Variants in PPP1R21 observed in about 807,000 individuals in gnomAD.
PPP1R21 encodes protein phosphatase 1 regulatory subunit 21, also known as KLRAQ motif containing 1.
PPP1R21 carries 85 observed loss-of-function variants against 112.8 expected under a neutral mutation model. The ratio of observed to expected loss-of-function variants is 0.75; its 90% confidence interval spans 0.63 to 0.90. The LOEUF is 0.90. PPP1R21 is among the 40% of genes least tolerant of loss of function. The probability of loss-of-function intolerance (pLI) is 0.00; values close to 1 mark genes in which losing one functional copy is unlikely to be tolerated. For missense variants in PPP1R21, 1,199 were observed against 901.5 expected, an observed-to-expected ratio of 1.33 and a Z score of -4.23; for synonymous variants, 381 against 322.3, an observed-to-expected ratio of 1.18 and a Z score of -1.95.
At chr2:48,495,609 G>A in intron 15 of PPP1R21, 70 bp from the exon 16 acceptor site, 1 of 807,946 alleles carries the variant, frequency 1.2e-6, no homozygotes, top group Admixed American at 1.9e-5. Context: ...AGCATTCTTT[G>A]TGTATGTTGG....
chr2:48,496,893 G>T (rs62135167), intron 16 of PPP1R21, among the ~76,000 whole-genome samples: 1 of 152,020 alleles, frequency 6.6e-6, no homozygotes, highest in Non-Finnish European at 1.5e-5. Context: ...ACACATAGAG[G>T]CTCTTGGAGG....
chr2:48,450,273 TTA>T (rs1157763853), intron 1 of PPP1R21, among the ~76,000 whole-genome samples: 3 of 152,210 alleles, frequency 2.0e-5, no homozygotes, highest in Non-Finnish European at 4.4e-5. Flanking sequence ...GCATTGCTAC[TTA>T]ACTTCTCTGT....
At chr2:48,470,690 C>G (rs1388214848) in intron 9 of PPP1R21, among the ~76,000 whole-genome samples, 1 of 151,964 alleles carries the variant, frequency 6.6e-6, no homozygotes, top group East Asian at 1.9e-4. Context: ...ATTTTCAAAT[C>G]TTTTTTGTTT....
At chr2:48,479,822 A>T (rs146803105) in intron 12 of PPP1R21, 102 bp from the exon 13 acceptor site, 1 of 784,094 alleles carries the variant, frequency 1.3e-6, no homozygotes. Context: ...TTTCTAGCAC[A>T]TTACAACCAA....
At chr2:48,499,304 A>G (rs1273001730) in intron 17 of PPP1R21, among the ~76,000 whole-genome samples, 1 of 152,242 alleles carries the variant, frequency 6.6e-6, no homozygotes, top group Admixed American at 6.5e-5. Flanking sequence ...CATGGTGAGG[A>G]CTATGTTCCT....
intron 12 of PPP1R21, among the ~76,000 whole-genome samples, chr2:48,476,942 T>G (rs1668784117): frequency 6.6e-6 from 1 of 152,030 alleles, no homozygotes; most frequent in Non-Finnish European, 1.5e-5. Context: ...AATGTTCAAT[T>G]TTGATGAAGT....
chr2:48,505,927 A>T (rs1284882427), intron 18 of PPP1R21, among the ~76,000 whole-genome samples: 7 of 152,138 alleles, frequency 4.6e-5, no homozygotes, highest in Admixed American at 4.6e-4. Flanking sequence ...TAGTCCTCGC[A>T]GTGGGCAGCC....
At chr2:48,456,111 C>G (rs773911194) in intron 3 of PPP1R21, among the ~76,000 whole-genome samples, 2 of 151,054 alleles carry the variant, frequency 1.3e-5, no homozygotes, top group Non-Finnish European at 2.9e-5. Context: ...TTTATTCTTA[C>G]GAGGCCAGTT....
At chr2:48,507,641 A>AG (rs1377865847) in intron 19 of PPP1R21, among the ~76,000 whole-genome samples, 3 of 151,254 alleles carry the variant, frequency 2.0e-5, no homozygotes, top group Non-Finnish European at 4.4e-5. Flanking sequence ...TGCTGGGATT[A>AG]CAGGTGTGAG....
intron 16 of PPP1R21, among the ~76,000 whole-genome samples, chr2:48,497,255 G>A (rs1173443579): frequency 6.6e-6 from 1 of 152,182 alleles, no homozygotes; most frequent in Non-Finnish European, 1.5e-5. Context: ...CTTGTTTGTT[G>A]ATGGGGAAAT....
chr2:48,486,066 T>C (rs1669280721), intron 13 of PPP1R21, among the ~76,000 whole-genome samples: 1 of 151,344 alleles, frequency 6.6e-6, no homozygotes, highest in African/African-American at 2.4e-5. Context: ...CAGGCCTTTA[T>C]TGTACTATTC....
At chr2:48,514,073 C>CTTTTTTT (rs1225415838) in intron 21 of PPP1R21, among the ~76,000 whole-genome samples, 12 of 89,880 alleles carry the variant, frequency 1.3e-4, no homozygotes, top group African/African-American at 2.6e-4. Flanking sequence ...GAGACATGTT[C>CTTTTTTT]TTTTTTTTTT....
chr2:48,455,061 C>T (rs1667659431), intron 3 of PPP1R21, among the ~76,000 whole-genome samples: 1 of 151,944 alleles, frequency 6.6e-6, no homozygotes, highest in Non-Finnish European at 1.5e-5. Context: ...TGGCCTTGAA[C>T]TCCTGGACTC....
At chr2:48,481,689 C>T (rs1308492218) in intron 13 of PPP1R21, among the ~76,000 whole-genome samples, 1 of 151,806 alleles carries the variant, frequency 6.6e-6, no homozygotes, top group Non-Finnish European at 1.5e-5. Flanking sequence ...CTAGCCTGGG[C>T]AACATAGGGA....
At position 48,507,330 on chromosome 2, in the gene PPP1R21, A is replaced by C; in HGVS notation, c.2030A>C (p.Glu677Ala). The C allele has an allele frequency of 1.3e-6, 2 of 1,595,826 alleles. No homozygotes were observed. Among genetic ancestry groups the C allele is most frequent in the Non-Finnish European group, 1.7e-6 (2 of 1,174,096 alleles). The change falls in exon 19 of 22, where the codon GAA (glutamate) becomes GCA (alanine). Residue 677 changes from glutamate (E) to alanine (A), a missense_variant. By Grantham distance (107) the Glu-to-Ala change is moderately radical. Transcript: ENST00000294952. ...IKNHYMARIV[E>A]LTSQLQLADS... Reference sequence around the variant, plus strand: ...AATCACTACATGGCAAGGATAGTGGAACTTACGTCTCAGTTGCAGCTGGCT... The same window carrying C: ...AATCACTACATGGCAAGGATAGTGGCACTTACGTCTCAGTTGCAGCTGGCT...
chr2:48,501,205 C>T (rs1055319145), intron 17 of PPP1R21, among the ~76,000 whole-genome samples: 3 of 152,206 alleles, frequency 2.0e-5, no homozygotes, highest in African/African-American at 7.2e-5. Flanking sequence ...ATCCAAATAG[C>T]ATTTAAGAAC....
At chr2:48,442,769 A>C (rs1358490879) in intron 1 of PPP1R21, among the ~76,000 whole-genome samples, 1 of 152,178 alleles carries the variant, frequency 6.6e-6, no homozygotes, top group African/African-American at 2.4e-5. Flanking sequence ...CATTAAGATT[A>C]ATGAGCTTTC....
At chr2:48,511,223 T>G in intron 20 of PPP1R21, 117 bp from the exon 21 acceptor site, 1 of 1,007,514 alleles carries the variant, frequency 9.9e-7, no homozygotes, top group Non-Finnish European at 1.5e-6. Flanking sequence ...AAATATACAG[T>G]AAATTATTGG....
intron 13 of PPP1R21, among the ~76,000 whole-genome samples, chr2:48,485,465 T>C (rs921012194): frequency 3.3e-5 from 5 of 152,144 alleles, no homozygotes; most frequent in African/African-American, 1.2e-4. Flanking sequence ...AACTGTACCA[T>C]AGTAATATGT....
Sources: allele counts gnomAD v4.1 joint callset (sites outside exome capture counted in the v4.1 genomes callset), GRCh38; gene constraint gnomAD v4.1.1; transcripts MANE v1.5; gene names NCBI Gene and HGNC (gene_info 2026-07-23, HGNC 2026-07-21).